The following UTRN variants were observed in gnomAD, a reference collection of about 807,000 sequenced individuals.
UTRN encodes dystrophin-related protein 1.
Under a neutral mutation model 463.9 loss-of-function variants are expected in UTRN, and 283 were observed. That is an observed-to-expected ratio of 0.61 (90% CI 0.55 to 0.67). The LOEUF (loss-of-function observed/expected upper bound fraction) is 0.67. Ranked by LOEUF, UTRN falls within the 30% of genes least tolerant of loss-of-function variation. The probability of loss-of-function intolerance (pLI) is 0.00; values close to 1 mark genes in which losing one functional copy is unlikely to be tolerated. For missense variants in UTRN, 3,922 were observed against 4,084.3 expected, an observed-to-expected ratio of 0.96 and a Z score of 1.08; for synonymous variants, 1,442 against 1,431.5, an observed-to-expected ratio of 1.01 and a Z score of -0.17.
chr6:144,531,545 T>C (rs2128601873), intron 42 of UTRN, among the ~76,000 whole-genome samples: 1 of 152,322 alleles, frequency 6.6e-6, no homozygotes, highest in South Asian at 2.1e-4. Context: ...TCACCTCTGT[T>C]TTTTGTACTT....
At chr6:144,751,045 A>C (rs1195915165) in intron 55 of UTRN, among the ~76,000 whole-genome samples, 1 of 152,104 alleles carries the variant, frequency 6.6e-6, no homozygotes, top group Admixed American at 6.6e-5. Flanking sequence ...GATAGATCTT[A>C]CCTCTTGAGT....
intron 2 of UTRN, among the ~76,000 whole-genome samples, chr6:144,348,632 C>A (rs1295067395): frequency 6.6e-6 from 1 of 152,004 alleles, no homozygotes; most frequent in Non-Finnish European, 1.5e-5. Context: ...GTAGAAAGAG[C>A]GACATGTGAA....
intron 51 of UTRN, among the ~76,000 whole-genome samples, chr6:144,602,174 G>A (rs915197631): frequency 1.3e-5 from 2 of 151,254 alleles, no homozygotes; most frequent in African/African-American, 4.9e-5. Flanking sequence ...TGTTGTCAAC[G>A]AGGCTGGAGT....
At chr6:144,633,648 CCAGAGTAGTCAT>C (rs1248041970) in intron 51 of UTRN, among the ~76,000 whole-genome samples, 27 of 152,122 alleles carry the variant, frequency 1.8e-4, no homozygotes, top group African/African-American at 6.3e-4. Context: ...CAGATAGTCA[CCAGAGTAGTCAT>C]CAAAAGGAAA....
At chr6:144,305,337 A>C (rs1805627942) in intron 2 of UTRN, among the ~76,000 whole-genome samples, 1 of 152,242 alleles carries the variant, frequency 6.6e-6, no homozygotes. Flanking sequence ...TATTATAAAT[A>C]TATAGCAAAA....
intron 51 of UTRN, among the ~76,000 whole-genome samples, chr6:144,671,354 C>G (rs1459058904): frequency 6.6e-6 from 1 of 151,754 alleles, no homozygotes; most frequent in Non-Finnish European, 1.5e-5. Flanking sequence ...GATCTTTTAC[C>G]TCCTTGGTTA....
intron 14 of UTRN, among the ~76,000 whole-genome samples, chr6:144,445,626 A>G (rs1339733266): frequency 6.6e-6 from 1 of 151,112 alleles, no homozygotes; most frequent in African/African-American, 2.5e-5. Flanking sequence ...CCTGATTCTG[A>G]TTTATGAAAT....
intron 52 of UTRN, among the ~76,000 whole-genome samples, chr6:144,690,091 T>TGTGTGTGTG (rs1447726041): frequency 2.1e-3 from 73 of 34,336 alleles, no homozygotes; most frequent in African/African-American, 0.01. Flanking sequence ...TTTTTTTTTT[T>TGTGTGTGTG]TTTTTGTGTG....
chr6:144,344,260 A>T, intron 2 of UTRN: 1 of 1,304,200 alleles, frequency 7.7e-7, no homozygotes, highest in East Asian at 5.5e-5. Flanking sequence ...TGCAGATTGG[A>T]TTTGCCAGGG....
At chr6:144,654,334 A>C (rs1441509160) in intron 51 of UTRN, among the ~76,000 whole-genome samples, 1 of 152,230 alleles carries the variant, frequency 6.6e-6, no homozygotes. Flanking sequence ...TATTATACAC[A>C]AAAGTATAGC....
chr6:144,574,682 G>A (rs1405372804), intron 50 of UTRN, among the ~76,000 whole-genome samples: 1 of 152,088 alleles, frequency 6.6e-6, no homozygotes, highest in African/African-American at 2.4e-5. Context: ...CTGAATTCAA[G>A]CAATTCTTAC....
intron 51 of UTRN, among the ~76,000 whole-genome samples, chr6:144,635,926 T>A (rs1562686747): frequency 6.6e-6 from 1 of 152,196 alleles, no homozygotes; most frequent in Admixed American, 6.5e-5. Flanking sequence ...TGGCTGTGAC[T>A]TCTTAGAAAA....
chr6:144,484,432 CTTTTTTTTT>C (rs765122659), intron 27 of UTRN, among the ~76,000 whole-genome samples: 16 of 66,254 alleles, frequency 2.4e-4, no homozygotes, highest in African/African-American at 6.9e-4. Context: ...AAAAACCAAA[CTTTTTTTTT>C]TTTTTTTTTT....
In UTRN at chr6:144,552,851, T is replaced by G. The variant is rs530325462; in HGVS notation, c.6928+1769T>G. Among the ~76,000 whole-genome samples, 115 of 152,224 alleles carry G rather than the reference T, an allele frequency of 7.6e-4. 1 individual carries two copies. The highest frequency in any genetic ancestry group is 1.2e-4 in the Non-Finnish European group (8 of 68,032). On this transcript the variant is annotated intron_variant, in intron 48 of 74. Coordinates refer to ENST00000367545, the MANE Select transcript of UTRN (RefSeq NM_007124.3). ...ATTCTATTAGTAATAGAATTGGTCA[T>G]AAGTACTTTATGTAACTTTTTAACT...
intron 3 of UTRN, 33 bp downstream of exon 3, chr6:144,403,217 A>G (rs1384016434): frequency 6.3e-6 from 10 of 1,591,820 alleles, no homozygotes; most frequent in Non-Finnish European, 7.7e-6. Flanking sequence ...TCGATGGTTC[A>G]GATGCCGCAT....
chr6:144,538,342 A>C (rs564899809), intron 44 of UTRN, among the ~76,000 whole-genome samples: 1 of 152,306 alleles, frequency 6.6e-6, no homozygotes, highest in South Asian at 2.1e-4. Flanking sequence ...GTTGCAGAAC[A>C]CTCAGCATAA....
intron 2 of UTRN, among the ~76,000 whole-genome samples, chr6:144,346,035 G>A (rs966833995): frequency 6.6e-6 from 1 of 151,620 alleles, no homozygotes; most frequent in Non-Finnish European, 1.5e-5. Flanking sequence ...AAAATTAGTC[G>A]GGCGTGGTGG....
intron 2 of UTRN, among the ~76,000 whole-genome samples, chr6:144,380,007 G>A (rs1780771123): frequency 6.6e-6 from 1 of 152,182 alleles, no homozygotes; most frequent in Non-Finnish European, 1.5e-5. Context: ...ACTGGAATGT[G>A]TATTTGACTT....
chr6:144,850,725 A>G (rs1437386188), intron 74 of UTRN, among the ~76,000 whole-genome samples: 1 of 152,160 alleles, frequency 6.6e-6, no homozygotes, highest in East Asian at 1.9e-4. Flanking sequence ...GCAGAAAGAA[A>G]TGAAGTCCTC....
Sources: allele counts gnomAD v4.1 joint callset (sites outside exome capture counted in the v4.1 genomes callset), GRCh38; gene constraint gnomAD v4.1.1; transcripts MANE v1.5; gene names NCBI Gene and HGNC (gene_info 2026-07-23, HGNC 2026-07-21).